SAP130: variants seen among roughly 807,000 people sequenced by gnomAD.
SAP130 encodes the protein histone deacetylase complex subunit SAP130.
In SAP130, 16 loss-of-function variants were observed where a neutral mutation model predicts 103.2. That is an observed-to-expected ratio of 0.16 (90% CI 0.10 to 0.24). The LOEUF (loss-of-function observed/expected upper bound fraction) is 0.24, where lower values mean the gene tolerates loss of function less well. Ranked by LOEUF, SAP130 falls within the 10% of genes least tolerant of loss-of-function variation. SAP130 has a pLI of 1.00. For missense variants in SAP130, 990 were observed against 1,359.7 expected (o/e 0.73, Z 4.28); for synonymous variants, 477 against 497.0 (o/e 0.96, Z 0.53).
In SAP130 at chr2:128,007,706, A is replaced by G. The variant is rs575975955; in HGVS notation, c.869+2563T>C. On this transcript the variant is annotated intron_variant, in intron 7 of 20. Transcript: ENST00000643581. The stretch of plus-strand genomic sequence containing the variant: ...GCTTAATGTCACACAAGTAGATAAC[A>G]GAGCTAATGGCTTAAGATAAGTTCC... Among the ~76,000 whole-genome samples the G allele has an allele frequency of 9.8e-5, 15 of 152,326 alleles. No homozygotes were observed. The East Asian group carries it at 2.7e-3, about 27-fold the overall frequency.
Position 127,949,964 on chromosome 2 carries a change from C to T in SAP130, c.2702G>A (p.Arg901His), listed in dbSNP as rs777753301. Residue 901 changes from arginine to histidine, a missense_variant, in exon 18 of 21, where the codon CGT (arginine) becomes CAT (histidine). Physicochemically the swap from Arg to His is conservative, Grantham distance 29 (BLOSUM62 0). Around this residue, in one of 6 missense-constraint regions of SAP130, gnomAD observed 61 missense variants for 73.8 expected, o/e 0.83. Coordinates refer to ENST00000643581, the MANE Select transcript of SAP130 (RefSeq NM_001330301.2). ...AAGCAAAGTAATGGGGGGTCTTGGA[C>T]GCACTGGGACATATCTCACACCTTC... ...DEEGVRYVPV[R>H]PRPPITLLRH... 1.2e-5 allele frequency: 19 copies of T among 1,613,974 alleles called. No individual in the cohort carries two copies. Among genetic ancestry groups the T allele is most frequent in the South Asian group, 8.8e-5 (8 of 91,078 alleles).
Position 127,977,968 on chromosome 2 carries a change from A to G in SAP130, c.2063+17T>C. On this transcript the variant is annotated intron_variant, in intron 15 of 20. Coordinates refer to ENST00000643581, the MANE Select transcript of SAP130 (RefSeq NM_001330301.2). Reference sequence around the variant, plus strand: ...TGTGGGTAAAAGCAAGAGTGCGAAGAACACTTAGGTGCTCACCCTGCAGGC... The same window carrying G: ...TGTGGGTAAAAGCAAGAGTGCGAAGGACACTTAGGTGCTCACCCTGCAGGC... The G allele has an allele frequency of 1.3e-6, 2 of 1,527,746 alleles. No individual in the cohort carries two copies. The highest frequency in any genetic ancestry group is 1.8e-6 in the Non-Finnish European group (2 of 1,124,832). The allele number at this position is 1,527,746 out of a possible 1,614,324, so 94.6% of individuals were successfully genotyped here.
rs560838206 is a variant in SAP130, at chr2:127,941,468, T to A, written c.*538A>T. 3.9e-5 allele frequency: 6 copies of A among 153,042 alleles called. No individual in the cohort carries two copies. The highest frequency in any genetic ancestry group is 7.3e-5 in the Non-Finnish European group (5 of 68,342). The allele number at this position is 153,042 out of a possible 1,614,324, so 9.5% of individuals were successfully genotyped here. A position where few individuals can be genotyped will look rare whatever the true frequency, so the allele number is the denominator to read the frequency against. On this transcript the variant is annotated 3_prime_UTR_variant, in exon 21 of 21. Transcript: ENST00000643581. ...TTAAAAAATGACAAGAACTAATAGT[T>A]CAAACCCTTTAGAGTGTGAGATGTG...
intron 19 of SAP130, among the ~76,000 whole-genome samples, chr2:127,944,901 C>CAAAAAAAA (rs1188253573): frequency 3.9e-5 from 3 of 77,534 alleles, no homozygotes; most frequent in Non-Finnish European, 7.4e-5. Context: ...GACCTTGTCT[C>CAAAAAAAA]AAAAAAAAAA....
chr2:128,005,548 G>A (rs2105127339), intron 7 of SAP130, among the ~76,000 whole-genome samples: 1 of 152,022 alleles, frequency 6.6e-6, no homozygotes, highest in Non-Finnish European at 1.5e-5. Context: ...CCGGGGGGTG[G>A]AGACTGCAGT....
rs191510040 is a variant in SAP130, at chr2:127,999,473, A to G, written c.1213+268T>C. On this transcript the variant is annotated intron_variant, in intron 10 of 20. Coordinates refer to ENST00000643581, the MANE Select transcript of SAP130 (RefSeq NM_001330301.2). Reference sequence around the variant, plus strand: ...AAAAAAATTAGCCAGGCATGGTGGCATGTGCCTGTAGTCTCAGCTACTTGG... The same window carrying G: ...AAAAAAATTAGCCAGGCATGGTGGCGTGTGCCTGTAGTCTCAGCTACTTGG... Among the ~76,000 whole-genome samples the G allele has an allele frequency of 4.9e-3, 743 of 152,224 alleles. 7 individuals are homozygous for G. Among genetic ancestry groups the G allele is most frequent in the African/African-American group, 0.016 (658 of 41,554 alleles).
chr2:128,000,571 A>G, intron 7 of SAP130, 117 bp from the exon 8 acceptor site: 1 of 1,178,792 alleles, frequency 8.5e-7, no homozygotes, highest in Non-Finnish European at 1.2e-6. Flanking sequence ...TTAAACCAAT[A>G]CTTGGTCTTT....
chr2:127,968,781 G>A (rs992783223), intron 15 of SAP130, among the ~76,000 whole-genome samples: 1 of 152,080 alleles, frequency 6.6e-6, no homozygotes, highest in Non-Finnish European at 1.5e-5. Context: ...CTCCCAAAGC[G>A]CTGGGATTAG....
At chr2:127,976,421 CATCT>C in intron 15 of SAP130, among the ~76,000 whole-genome samples, 1 of 152,312 alleles carries the variant, frequency 6.6e-6, no homozygotes, top group African/African-American at 2.4e-5. Flanking sequence ...GGACACATTA[CATCT>C]ATTTTTGTGA....
At chr2:127,964,105 C>T (rs1254608979) in intron 15 of SAP130, among the ~76,000 whole-genome samples, 3 of 152,028 alleles carry the variant, frequency 2.0e-5, no homozygotes, top group South Asian at 2.1e-4. Context: ...TGAGGCAGGA[C>T]GATGACCTGA....
intron 14 of SAP130, among the ~76,000 whole-genome samples, chr2:127,979,824 A>AGCCAAGCAAAATTT (rs1681733345): frequency 6.6e-6 from 1 of 152,112 alleles, no homozygotes; most frequent in Non-Finnish European, 1.5e-5. Flanking sequence ...AAGAGCTGAT[A>AGCCAAGCAAAATTT]AGCTGAGAAC....
intron 7 of SAP130, among the ~76,000 whole-genome samples, chr2:128,005,046 C>A (rs1683857746): frequency 6.6e-6 from 1 of 152,170 alleles, no homozygotes; most frequent in South Asian, 2.1e-4. Context: ...CAGATGAACA[C>A]TGTACCATGA....
chr2:127,985,524 C>T (rs1682314598), intron 14 of SAP130, among the ~76,000 whole-genome samples: 1 of 152,198 alleles, frequency 6.6e-6, no homozygotes, highest in Non-Finnish European at 1.5e-5. Context: ...ACATACCTTC[C>T]TGCCTATGAT....
At position 127,996,506 on chromosome 2, in the gene SAP130, T is replaced by C. The variant is rs762971657; in HGVS notation, c.1214-15A>G. The C allele has an allele frequency of 5.3e-6, 8 of 1,522,232 alleles. No homozygotes were observed. In the African/African-American group the frequency reaches 7.0e-5, roughly 13 times the overall value. The allele number at this position is 1,522,232 out of a possible 1,614,324, so 94.3% of individuals were successfully genotyped here. ...CACCACCTTGGCTGCAAACAGTAAA[T>C]GCCAATTCCATGACCATTCTACACT... is the stretch of plus-strand genomic sequence containing the variant. On this transcript the variant is annotated splice_polypyrimidine_tract_variant and intron_variant, in intron 10 of 20. Transcript: ENST00000643581. The surrounding 1 kb of genome is among the most constrained non-coding windows in gnomAD (Gnocchi z 4.3).
intron 14 of SAP130, among the ~76,000 whole-genome samples, chr2:127,979,450 T>A (rs926972305): frequency 6.6e-6 from 1 of 151,940 alleles, no homozygotes; most frequent in East Asian, 1.9e-4. Context: ...AGAGGGGGTA[T>A]GGCCCAGAAG....
rs114502208 is a variant in SAP130, at chr2:127,982,765, T to G, written c.1958+4020A>C. 4.9e-3 allele frequency among the ~76,000 whole-genome samples: 742 copies of G among 151,718 alleles called. 7 individuals carry two copies. Among genetic ancestry groups the G allele is most frequent in the African/African-American group, 0.016 (658 of 41,352 alleles). ...TTGACAAAGCGAAGTGGGATGGGGG[T>G]TAAGGAAATGACTGCAAGTGACCAC... On this transcript the variant is annotated intron_variant, in intron 14 of 20. Coordinates refer to ENST00000643581, the MANE Select transcript of SAP130 (RefSeq NM_001330301.2).
intron 7 of SAP130, among the ~76,000 whole-genome samples, chr2:128,003,473 A>T (rs1559087957): frequency 1.4e-5 from 2 of 146,870 alleles, no homozygotes; most frequent in South Asian, 4.6e-4. Flanking sequence ...CGCCACTGCA[A>T]CCTTGACTTC....
In SAP130 at chr2:127,941,937, C is replaced by CAA; in HGVS notation, c.*67_*68dup. The CAA allele has an allele frequency of 1.0e-5, 4 of 389,278 alleles. No individual in the cohort carries two copies. The highest frequency in any genetic ancestry group is 7.8e-5 in the Admixed American group (2 of 25,556). The allele number at this position is 389,278 out of a possible 1,614,324, so 24.1% of individuals were successfully genotyped here. ...TTCAATGTTCCACTTTGGAAAAAAC[C>CAA]AAAACCCTCCCCCCACCCCCACCAT... On this transcript the variant is annotated 3_prime_UTR_variant, in exon 21 of 21. Coordinates refer to ENST00000643581, the MANE Select transcript of SAP130 (RefSeq NM_001330301.2).
At chr2:128,025,978 G>A (rs1367404956) in intron 2 of SAP130, among the ~76,000 whole-genome samples, 1 of 152,162 alleles carries the variant, frequency 6.6e-6, no homozygotes, top group Non-Finnish European at 1.5e-5. Flanking sequence ...GCTATAAGTT[G>A]CATGTGTACT....
Sources: gnomAD v4.1 joint callset for allele counts (sites outside exome capture counted in the v4.1 genomes callset) on GRCh38, gnomAD v4.1.1 for gene constraint, gnomAD v4.1.1 regional missense constraint, Gnocchi (gnomAD v3.1) non-coding constraint, MANE v1.5 for transcripts, NCBI Gene and HGNC (gene_info 2026-07-23, HGNC 2026-07-21) for gene names.